The following KCTD9 variants were observed in gnomAD, a reference collection of about 807,000 sequenced individuals.
KCTD9 encodes the protein potassium channel tetramerization domain containing 9.
KCTD9 carries 17 observed loss-of-function variants against 53.3 expected under a neutral mutation model. The observed-to-expected ratio is 0.32, with a 90% confidence interval of 0.22 to 0.48. KCTD9 has a LOEUF of 0.48. Among genes scored for constraint, KCTD9 ranks in the 20% least tolerant of loss-of-function variants. The pLI is 0.99. For missense variants in KCTD9, 179 were observed against 465.5 expected, an observed-to-expected ratio of 0.38 and a Z score of 5.66; for synonymous variants, 128 against 162.7, an observed-to-expected ratio of 0.79 and a Z score of 1.62.
chr8:25,430,419 A>C (rs1801904710), intron 11 of KCTD9, among the ~76,000 whole-genome samples: 1 of 152,092 alleles, frequency 6.6e-6, no homozygotes, highest in Non-Finnish European at 1.5e-5. Flanking sequence ...TCAGATCAGC[A>C]GGGGCATTAG....
At chr8:25,439,908 C>G (rs1280233145) in intron 4 of KCTD9, 1 of 630,410 alleles carries the variant, frequency 1.6e-6, no homozygotes, top group African/African-American at 1.9e-5. Context: ...GTCTGTCTAT[C>G]CTGTAAGCAA....
intron 8 of KCTD9, 23 bp from the exon 9 acceptor site, chr8:25,435,535 G>C: frequency 1.3e-6 from 2 of 1,574,642 alleles, no homozygotes; most frequent in Non-Finnish European, 8.6e-7. Flanking sequence ...AGCACAAATT[G>C]TCACCATAAC....
In KCTD9 at chr8:25,436,249, C is replaced by A; in HGVS notation, c.649G>T (p.Glu217Ter). ...RFLLATPTKS[E>*]LRCQGLNFSG... ...CTGCTAATTACCTGGCATCGCAGTT[C>A]TGACTTGGTTGGAGTTGCTAGCAAA... Residue 217 changes from glutamate to a stop codon, truncating the protein, a stop_gained, in exon 8 of 12, where the codon GAA (glutamate) becomes TAA (stop). Transcript: ENST00000221200. LOFTEE classifies it high-confidence loss of function. The A allele has an allele frequency of 6.2e-7, 1 of 1,601,888 alleles. No homozygotes were observed. The highest frequency in any genetic ancestry group is 8.5e-7 in the Non-Finnish European group (1 of 1,170,530).
chr8:25,440,561 A>G lies in KCTD9; in HGVS notation c.311+16T>C, dbSNP rs1802103827. Reference sequence around the variant, plus strand: ...CTTTTGCATTCTCTTTCTAACACACATACACACACACCTACCGTGTAGTTG... The same window carrying G: ...CTTTTGCATTCTCTTTCTAACACACGTACACACACACCTACCGTGTAGTTG... On this transcript the variant is annotated intron_variant, in intron 4 of 11. Transcript: ENST00000221200. 9 of 1,525,386 alleles carry G rather than the reference A, an allele frequency of 5.9e-6. No homozygotes were observed. The highest frequency in any genetic ancestry group is 5.0e-5 in the Admixed American group (3 of 59,878). 94.5% of individuals were successfully genotyped at this position (1,525,386 alleles called of 1,614,324 possible).
At chr8:25,434,343 C>T (rs906812963) in intron 9 of KCTD9, among the ~76,000 whole-genome samples, 1 of 152,190 alleles carries the variant, frequency 6.6e-6, no homozygotes, top group Non-Finnish European at 1.5e-5. Flanking sequence ...CTGCCTGCCT[C>T]TGCTCCCCAA....
chr8:25,446,082 A>C (rs776533003), intron 2 of KCTD9, 47 bp downstream of exon 2: 26 of 1,600,492 alleles, frequency 1.6e-5, no homozygotes, highest in Non-Finnish European at 2.0e-5. Context: ...CATAGCACCA[A>C]GAAGTTGAGG....
At chr8:25,431,814 G>A (rs910708780) in intron 11 of KCTD9, among the ~76,000 whole-genome samples, 5 of 151,872 alleles carry the variant, frequency 3.3e-5, no homozygotes, top group Admixed American at 6.6e-5. Context: ...TTGACATACC[G>A]TTCTCTGCTA....
At chr8:25,445,124 A>AT (rs1487124388) in intron 2 of KCTD9, among the ~76,000 whole-genome samples, 2 of 152,206 alleles carry the variant, frequency 1.3e-5, no homozygotes, top group Admixed American at 1.3e-4. Context: ...GGAGATACAT[A>AT]TTGAAAAACT....
chr8:25,441,582 G>A lies in KCTD9; in HGVS notation c.215-909C>T, dbSNP rs183768616. Among the ~76,000 whole-genome samples the A allele has an allele frequency of 2.0e-5, 3 of 151,718 alleles. No homozygotes were observed. The East Asian group carries it at 5.8e-4, about 29-fold the overall frequency. ...AAATGAGTAGCAAGAACTCCCAAGA[G>A]AATTAGAAATAAAAGAAAAATGATT... On this transcript the variant is annotated intron_variant, in intron 3 of 11. Coordinates refer to ENST00000221200, the MANE Select transcript of KCTD9 (RefSeq NM_017634.4).
chr8:25,450,317 C>T, intron 1 of KCTD9: 1 of 985,154 alleles, frequency 1.0e-6, no homozygotes, highest in Non-Finnish European at 1.2e-6. Context: ...ATAAGCAGCA[C>T]TAAAGAAGTA....
At chr8:25,439,801 C>A in intron 4 of KCTD9, 137 bp from the exon 5 acceptor site, 1 of 1,480,986 alleles carries the variant, frequency 6.8e-7, no homozygotes, top group Admixed American at 2.5e-5. Flanking sequence ...CGCTGGGAAA[C>A]AAAAACGTGC....
At position 25,458,256 on chromosome 8, in the gene KCTD9, C is replaced by A. The variant is rs373396453; in HGVS notation, c.-10G>T. On this transcript the variant is annotated 5_prime_UTR_variant, in exon 1 of 12. Transcript: ENST00000221200. ...GGGTCACCCGCCTCATCGCGCTGCC[C>A]CCGCTGGGTCCTGAGTGAGCCGCCA... The A allele has an allele frequency of 6.2e-7, 1 of 1,610,372 alleles. No homozygotes were observed. Among genetic ancestry groups the A allele is most frequent in the African/African-American group, 1.3e-5 (1 of 74,786 alleles).
chr8:25,446,689 A>C (rs1339930294), intron 1 of KCTD9, among the ~76,000 whole-genome samples: 1 of 152,228 alleles, frequency 6.6e-6, no homozygotes, highest in Admixed American at 6.5e-5. Context: ...AGTGCCTGAG[A>C]CCTAGTAAGT....
Position 25,429,795 on chromosome 8 carries a change from G to A in KCTD9, c.*62C>T, listed in dbSNP as rs2117380054. ...TCTTCTAGACAACTGAGTGGGTGGAGAAAGAAAAGTGATAAGGAAAACATT... is the reference window on the plus strand; with the variant it reads ...TCTTCTAGACAACTGAGTGGGTGGAAAAAGAAAAGTGATAAGGAAAACATT... On this transcript the variant is annotated 3_prime_UTR_variant, in exon 12 of 12. Transcript: ENST00000221200. 1 of 839,448 alleles carries A rather than the reference G, an allele frequency of 1.2e-6. No individual in the cohort carries two copies. The highest frequency in any genetic ancestry group is 2.1e-6 in the Non-Finnish European group (1 of 484,018). 52.0% of individuals were successfully genotyped at this position (839,448 alleles called of 1,614,324 possible).
At position 25,446,117 on chromosome 8, in the gene KCTD9, G is replaced by T; in HGVS notation, c.170+12C>A. ...GCACACTGTTGACAGCTTATAAAAAGGTGAAGGTTACCTGATCAAAGCAAT... is the reference window on the plus strand; with the variant it reads ...GCACACTGTTGACAGCTTATAAAAATGTGAAGGTTACCTGATCAAAGCAAT... On this transcript the variant is annotated intron_variant, in intron 2 of 11. Coordinates refer to ENST00000221200, the MANE Select transcript of KCTD9 (RefSeq NM_017634.4). The T allele has an allele frequency of 6.2e-7, 1 of 1,612,150 alleles. No individual in the cohort carries two copies. Among genetic ancestry groups the T allele is most frequent in the Non-Finnish European group, 8.5e-7 (1 of 1,179,110 alleles).
intron 4 of KCTD9, 54 bp from the exon 5 acceptor site, chr8:25,439,718 T>C (rs1009062590): frequency 6.2e-7 from 1 of 1,611,900 alleles, no homozygotes; most frequent in South Asian, 1.1e-5. Context: ...TAAACAAACA[T>C]ATTTAAGTCA....
At position 25,429,059 on chromosome 8, in the gene KCTD9, G is replaced by C. The variant is rs1322195035; in HGVS notation, c.*798C>G. The C allele has an allele frequency of 6.6e-6, 1 of 152,140 alleles. No individual in the cohort carries two copies. Among genetic ancestry groups the C allele is most frequent in the Non-Finnish European group, 1.5e-5 (1 of 68,016 alleles). 9.4% of individuals were successfully genotyped at this position (152,140 alleles called of 1,614,324 possible). The stretch of plus-strand genomic sequence containing the variant: ...GCTAATAGTGTAAATAGATAGAATT[G>C]CTTGATCTGGTGTTGAGTGGAACTT... On this transcript the variant is annotated 3_prime_UTR_variant, in exon 12 of 12. Transcript: ENST00000221200.
chr8:25,441,763 G>A (rs976370012), intron 3 of KCTD9, among the ~76,000 whole-genome samples: 1 of 152,088 alleles, frequency 6.6e-6, no homozygotes, highest in Non-Finnish European at 1.5e-5. Context: ...AGGCCGAGGC[G>A]GGTGGATTGC....
At chr8:25,435,586 C>A in intron 8 of KCTD9, 74 bp from the exon 9 acceptor site, 2 of 1,379,602 alleles carry the variant, frequency 1.4e-6, no homozygotes, top group Non-Finnish European at 1.9e-6. Flanking sequence ...CTATAGCTAA[C>A]CACCAAGTTT....
Sources: allele counts gnomAD v4.1 joint callset (sites outside exome capture counted in the v4.1 genomes callset), GRCh38; gene constraint gnomAD v4.1.1; transcripts MANE v1.5; gene names NCBI Gene and HGNC (gene_info 2026-07-23, HGNC 2026-07-21).